The following GYPB variants were observed in gnomAD, a reference collection of about 807,000 sequenced individuals.
The protein encoded by GYPB is glycophorin-B.
GYPB carries 13 observed loss-of-function variants against 15.3 expected under a neutral mutation model. The observed-to-expected ratio is 0.85, with a 90% CI of 0.55 to 1.35. The LOEUF is 1.35. Ranked by LOEUF, GYPB falls within the 40% of genes most tolerant of loss-of-function variation. GYPB has a pLI of 0.00. For missense variants in GYPB, 131 were observed against 108.3 expected, an observed-to-expected ratio of 1.21 and a Z score of -0.93; for synonymous variants, 38 against 36.9, an observed-to-expected ratio of 1.03 and a Z score of -0.11.
intron 1 of GYPB, chr4:144,008,567 A>G: frequency 2.2e-6 from 1 of 449,418 alleles, no homozygotes; most frequent in Admixed American, 2.4e-5. Flanking sequence ...CCTGCCTACT[A>G]AAGAATCCTC....
intron 4 of GYPB, among the ~76,000 whole-genome samples, 198 bp from the exon 5 acceptor site, chr4:143,996,502 A>G (rs1240813700): frequency 6.6e-6 from 1 of 151,200 alleles, no homozygotes; most frequent in Non-Finnish European, 1.5e-5. Context: ...GCAGTGGCTC[A>G]CACCTGTAAT....
intron 3 of GYPB, among the ~76,000 whole-genome samples, chr4:143,998,492 A>G (rs1727440233): frequency 6.7e-6 from 1 of 149,548 alleles, no homozygotes; most frequent in South Asian, 2.1e-4. Context: ...AATGTATGCG[A>G]TAGTGATGAA....
intron 1 of GYPB, among the ~76,000 whole-genome samples, chr4:144,013,172 T>G (rs1307883861): frequency 2.6e-5 from 4 of 151,454 alleles, no homozygotes; most frequent in Non-Finnish European, 5.9e-5. Context: ...GAAAAAATGC[T>G]CATCATCACT....
At position 144,001,784 on chromosome 4, in the gene GYPB, C is replaced by G. The variant is rs558074289; in HGVS notation, c.38-501G>C. Among the ~76,000 whole-genome samples, 4 of 150,854 alleles carry G rather than the reference C, an allele frequency of 2.7e-5. No homozygotes were observed. The South Asian group carries it at 8.3e-4, about 31-fold the overall frequency. ...AAGGTGGAAGCTCATAATAATTATA[C>G]AGAACAAAAGTTCTGTCCCATATCT... is the stretch of plus-strand genomic sequence containing the variant. On this transcript the variant is annotated intron_variant, in intron 1 of 4. Coordinates refer to ENST00000502664, the MANE Select transcript of GYPB (RefSeq NM_002100.6).
At chr4:144,008,312 T>A (rs971136455) in intron 1 of GYPB, 1 of 445,624 alleles carries the variant, frequency 2.2e-6, no homozygotes, top group African/African-American at 2.1e-5. Flanking sequence ...CTCACCAAAT[T>A]ATAATGCAAC....
intron 1 of GYPB, chr4:144,002,816 T>G (rs934192696): frequency 8.8e-5 from 42 of 478,950 alleles, no homozygotes; most frequent in African/African-American, 6.8e-4. Context: ...TACCTCCAAA[T>G]CATGGAGAAG....
At chr4:144,008,967 A>C (rs565471009) in intron 1 of GYPB, among the ~76,000 whole-genome samples, 1 of 151,494 alleles carries the variant, frequency 6.6e-6, no homozygotes, top group South Asian at 2.1e-4. Context: ...CTATGGTTCT[A>C]GCGTCACCTT....
intron 1 of GYPB, among the ~76,000 whole-genome samples, chr4:144,006,466 T>C (rs1331512147): frequency 1.3e-5 from 2 of 152,106 alleles, no homozygotes; most frequent in African/African-American, 4.8e-5. Flanking sequence ...ATATGCTTTA[T>C]CTACCAGACC....
At chr4:143,999,507 A>G in intron 2 of GYPB, 58 bp from the exon 3 acceptor site, 2 of 914,756 alleles carry the variant, frequency 2.2e-6, no homozygotes, top group Non-Finnish European at 3.5e-6. Flanking sequence ...AAAGAAAAAA[A>G]TCATTTTGGA....
chr4:144,000,649 C>T (rs1205017508), intron 2 of GYPB, among the ~76,000 whole-genome samples: 2 of 151,214 alleles, frequency 1.3e-5, no homozygotes, highest in Non-Finnish European at 2.9e-5. Context: ...TATCTCAGCA[C>T]CCAGCTTTGC....
intron 1 of GYPB, among the ~76,000 whole-genome samples, chr4:144,011,329 G>A (rs370483810): frequency 2.6e-5 from 4 of 151,428 alleles, no homozygotes; most frequent in East Asian, 3.9e-4. Context: ...GCAGTGAGCC[G>A]AGATCGTGCC....
intron 1 of GYPB, among the ~76,000 whole-genome samples, chr4:144,006,745 A>T (rs1350185019): frequency 6.6e-6 from 1 of 151,836 alleles, no homozygotes; most frequent in Non-Finnish European, 1.5e-5. Context: ...CAAGTCTGAA[A>T]ACTAAATTTT....
chr4:144,010,857 A>G (rs1728179942), intron 1 of GYPB, among the ~76,000 whole-genome samples: 1 of 151,470 alleles, frequency 6.6e-6, no homozygotes, highest in South Asian at 2.1e-4. Flanking sequence ...CAAAAACATA[A>G]AGTTAGCTAA....
At chr4:144,011,067 A>C (rs781433240) in intron 1 of GYPB, among the ~76,000 whole-genome samples, 3 of 151,572 alleles carry the variant, frequency 2.0e-5, no homozygotes, top group Non-Finnish European at 2.9e-5. Context: ...AAAAGACAGA[A>C]ACTTTTAGAT....
In GYPB at chr4:144,001,968, CA is replaced by C. The variant is rs374342942; in HGVS notation, c.38-686del. ...TGGGCGACAGAACGAGATTCCGTTT[CA>C]AAAAAAAAAAAAAAAAAAAACCACA... On this transcript the variant is annotated intron_variant, in intron 1 of 4. Transcript: ENST00000502664. Among the ~76,000 whole-genome samples, 64 of 96,256 alleles carry C rather than the reference CA, an allele frequency of 6.6e-4. 2 individuals are homozygous for C. Among genetic ancestry groups the C allele is most frequent in the African/African-American group, 2.7e-3 (59 of 21,878 alleles). 63.1% of individuals were successfully genotyped at this position (96,256 alleles called of 152,430 possible).
chr4:144,002,811 C>T, intron 1 of GYPB: 1 of 507,270 alleles, frequency 2.0e-6, no homozygotes, highest in Non-Finnish European at 3.4e-6. Flanking sequence ...CAGTTTACCT[C>T]CAAATCATGG....
At chr4:144,002,641 G>T (rs1044570240) in intron 1 of GYPB, 1 of 1,286,180 alleles carries the variant, frequency 7.8e-7, no homozygotes, top group African/African-American at 1.5e-5. Flanking sequence ...GAGGTGGAAG[G>T]GCTTCTTCTC....
intron 1 of GYPB, among the ~76,000 whole-genome samples, chr4:144,006,127 C>A (rs1381029578): frequency 6.6e-6 from 1 of 151,866 alleles, no homozygotes; most frequent in African/African-American, 2.4e-5. Flanking sequence ...ACTGAAATGG[C>A]ATTTGCTATG....
In GYPB at chr4:143,997,567, A is replaced by G. The variant is rs756569378; in HGVS notation, c.243T>C (p.Ile81=). Residue 81 remains isoleucine, a synonymous_variant, in exon 4 of 5, where the codon ATT becomes ATC. Coordinates refer to ENST00000502664, the MANE Select transcript of GYPB (RefSeq NM_002100.6). ...TTATCAGTCGGCGAATACTGTAAGAAATTAAGAGGATCGTTCCAATAATAC... is the reference window on the plus strand; with the variant it reads ...TTATCAGTCGGCGAATACTGTAAGAGATTAAGAGGATCGTTCCAATAATAC... ...MAGIIGTILL[I]SYSIRRLIKA is the part of the protein sequence containing the mutation. The G allele has an allele frequency of 7.5e-6, 12 of 1,596,742 alleles. No homozygotes were observed. The highest frequency in any genetic ancestry group is 1.0e-5 in the Non-Finnish European group (12 of 1,166,418).
Sources: allele counts gnomAD v4.1 joint callset (sites outside exome capture counted in the v4.1 genomes callset), GRCh38; gene constraint gnomAD v4.1.1; transcripts MANE v1.5; gene names NCBI Gene and HGNC (gene_info 2026-07-23, HGNC 2026-07-21).